The following MTAP variants were observed in gnomAD, a reference collection of about 807,000 sequenced individuals.
MTAP encodes the protein methylthioadenosine phosphorylase.
In MTAP, 33 loss-of-function variants were observed where a neutral mutation model predicts 33.6. The observed-to-expected ratio is 0.98, with a 90% CI of 0.74 to 1.31. MTAP has a LOEUF of 1.31. Among genes scored for constraint, MTAP ranks in the 40% most tolerant of loss-of-function variants. The pLI is 0.00. For missense variants in MTAP, 367 were observed against 360.0 expected, an observed-to-expected ratio of 1.02 and a Z score of -0.16; for synonymous variants, 148 against 125.7, an observed-to-expected ratio of 1.18 and a Z score of -1.19.
intron 1 of MTAP, among the ~76,000 whole-genome samples, chr9:21,809,558 G>A (rs1376148474): frequency 6.6e-6 from 1 of 151,638 alleles, no homozygotes; most frequent in East Asian, 1.9e-4. Context: ...AGAATGGTGT[G>A]AAACTGGGAG....
At chr9:21,817,504 G>T (rs1049540733) in intron 3 of MTAP, among the ~76,000 whole-genome samples, 41 of 151,984 alleles carry the variant, frequency 2.7e-4, no homozygotes, top group African/African-American at 8.9e-4. Context: ...GAAGTTACAG[G>T]GCGGAGGCCT....
intron 1 of MTAP, among the ~76,000 whole-genome samples, chr9:21,877,393 T>G (rs527845640): frequency 6.6e-6 from 1 of 152,246 alleles, no homozygotes; most frequent in Admixed American, 6.5e-5. Flanking sequence ...TCCAATGCAA[T>G]GTTGAATAGG....
intron 5 of MTAP, among the ~76,000 whole-genome samples, chr9:21,843,162 C>G (rs543349684): frequency 8.6e-5 from 13 of 152,046 alleles, no homozygotes; most frequent in Non-Finnish European, 1.9e-4. Context: ...ACAGTTAAAG[C>G]AAAGAGGGAC....
intron 1 of MTAP, among the ~76,000 whole-genome samples, chr9:21,904,329 G>C (rs1278989980): frequency 2.0e-5 from 3 of 152,180 alleles, no homozygotes; most frequent in Admixed American, 2.0e-4. Context: ...CAACATTTGC[G>C]CAGGAAAACA....
intron 1 of MTAP, among the ~76,000 whole-genome samples, chr9:21,924,759 C>T (rs1818841035): frequency 6.6e-6 from 1 of 152,236 alleles, no homozygotes; most frequent in African/African-American, 2.4e-5. Flanking sequence ...CCTCTGGACA[C>T]CACCCCCTCA....
chr9:21,841,849 G>A (rs977484018), intron 5 of MTAP, among the ~76,000 whole-genome samples: 2 of 152,094 alleles, frequency 1.3e-5, no homozygotes, highest in Non-Finnish European at 2.9e-5. Context: ...AAGCAATTCT[G>A]GTAATATGAC....
At chr9:21,810,308 A>G (rs551742271) in intron 1 of MTAP, among the ~76,000 whole-genome samples, 3 of 152,296 alleles carry the variant, frequency 2.0e-5, no homozygotes, top group Admixed American at 6.5e-5. Context: ...TAAGGACAAC[A>G]GTTTTCTTAG....
Position 21,854,772 on chromosome 9 carries a change from A to G in MTAP, c.592A>G (p.Thr198Ala). The G allele has an allele frequency of 6.2e-7, 1 of 1,614,176 alleles. No individual in the cohort carries two copies. Among genetic ancestry groups the G allele is most frequent in the Non-Finnish European group, 8.5e-7 (1 of 1,180,002 alleles). The change falls in exon 6 of 8, where the codon ACA (threonine) becomes GCA (alanine). Residue 198 changes from threonine to alanine, a missense_variant. By Grantham distance (58) the Thr-to-Ala change is moderately conservative (BLOSUM62 0). Coordinates refer to ENST00000644715, the MANE Select transcript of MTAP (RefSeq NM_002451.4). The stretch of plus-strand genomic sequence containing the variant: ...GGGGGCGGATGTTATCAACATGACC[A>G]CAGTTCCAGAGGTGGTTCTTGCTAA... ...TWGADVINMT[T>A]VPEVVLAKEA... is the part of the protein sequence containing the mutation.
chr9:21,824,690 C>A (rs987129082), intron 4 of MTAP, among the ~76,000 whole-genome samples: 1 of 152,178 alleles, frequency 6.6e-6, no homozygotes, highest in Non-Finnish European at 1.5e-5. Flanking sequence ...CTATGCCCTG[C>A]CCCCAGAGTT....
In MTAP at chr9:21,865,325, G is replaced by A. The variant is rs1174925972; in HGVS notation, c.*3311G>A. 3 of 619,084 alleles carry A rather than the reference G, an allele frequency of 4.8e-6. No homozygotes were observed. Among genetic ancestry groups the A allele is most frequent in the South Asian group, 7.1e-5 (1 of 14,094 alleles). The allele number at this position is 619,084 out of a possible 1,614,324, so 38.3% of individuals were successfully genotyped here. On this transcript the variant is annotated 3_prime_UTR_variant, in exon 8 of 8. Transcript: ENST00000644715. ...GTTTGTTTCCCCTTCTGCCACGATTGTAAGTTTCCTGAGGCCTTCCCAGCT... is the reference window on the plus strand; with the variant it reads ...GTTTGTTTCCCCTTCTGCCACGATTATAAGTTTCCTGAGGCCTTCCCAGCT...
chr9:21,826,333 TA>T, intron 4 of MTAP, among the ~76,000 whole-genome samples: 1 of 152,036 alleles, frequency 6.6e-6, no homozygotes, highest in Non-Finnish European at 1.5e-5. Flanking sequence ...ATAAGCTTAA[TA>T]AGCCTTCTAG....
chr9:21,885,707 G>C (rs1167756757), intron 1 of MTAP, among the ~76,000 whole-genome samples: 1 of 151,568 alleles, frequency 6.6e-6, no homozygotes, highest in Non-Finnish European at 1.5e-5. Context: ...TTATAATAAT[G>C]GTCCCCAAAT....
intron 1 of MTAP, among the ~76,000 whole-genome samples, chr9:21,804,401 C>T (rs1824151437): frequency 6.6e-6 from 1 of 152,202 alleles, no homozygotes; most frequent in Non-Finnish European, 1.5e-5. Context: ...GGTTTCCCTT[C>T]AAATTAATGC....
At chr9:21,913,949 C>T (rs1408313054) in intron 1 of MTAP, among the ~76,000 whole-genome samples, 3 of 152,166 alleles carry the variant, frequency 2.0e-5, no homozygotes, top group African/African-American at 7.2e-5. Context: ...AATCGAACAA[C>T]CCCATCAAAA....
In MTAP at chr9:21,863,054, G is replaced by A. The variant is rs1825784946; in HGVS notation, c.*1040G>A. On this transcript the variant is annotated 3_prime_UTR_variant, in exon 8 of 8. Transcript: ENST00000644715. Reference sequence around the variant, plus strand: ...ACATCTTTATTCTGCTAAAGAAGAGGATCATTGATTTCTGTACAGTCAGAA... The same window carrying A: ...ACATCTTTATTCTGCTAAAGAAGAGAATCATTGATTTCTGTACAGTCAGAA... The A allele has an allele frequency of 3.0e-6, 3 of 985,394 alleles. No individual in the cohort carries two copies. Among genetic ancestry groups the A allele is most frequent in the Non-Finnish European group, 3.6e-6 (3 of 829,900 alleles). The allele number at this position is 985,394 out of a possible 1,614,324, so 61.0% of individuals were successfully genotyped here. A position where few individuals can be genotyped will look rare whatever the true frequency, so the allele number is the denominator to read the frequency against.
chr9:21,866,824 C>G lies in MTAP; in HGVS notation c.*4810C>G, dbSNP rs893812452. ...TTGGGAAGAATTGACAATATTGAACCTTTCAATCGATGGACATGGTATGTT... is the reference window on the plus strand; with the variant it reads ...TTGGGAAGAATTGACAATATTGAACGTTTCAATCGATGGACATGGTATGTT... On this transcript the variant is annotated 3_prime_UTR_variant, in exon 8 of 8. Transcript: ENST00000644715. 4 of 152,042 alleles carry G rather than the reference C, an allele frequency of 2.6e-5. No individual in the cohort carries two copies. Among genetic ancestry groups the G allele is most frequent in the Non-Finnish European group, 5.9e-5 (4 of 67,994 alleles). The allele number at this position is 152,042 out of a possible 1,614,324, so 9.4% of individuals were successfully genotyped here. A position where few individuals can be genotyped will look rare whatever the true frequency, so the allele number is the denominator to read the frequency against.
Position 21,867,031 on chromosome 9 carries a change from T to G in MTAP, c.*5017T>G, listed in dbSNP as rs189600424. ...GGTATACAGAAATATGTTTTATTTT[T>G]GTATATTGACTTTATATTCTGTAAT... is the stretch of plus-strand genomic sequence containing the variant. On this transcript the variant is annotated 3_prime_UTR_variant, in exon 8 of 8. Coordinates refer to ENST00000644715, the MANE Select transcript of MTAP (RefSeq NM_002451.4). 2.0e-5 allele frequency: 3 copies of G among 152,322 alleles called. No individual in the cohort carries two copies. The highest frequency in any genetic ancestry group is 7.2e-5 in the African/African-American group (3 of 41,594). The allele number at this position is 152,322 out of a possible 1,614,324, so 9.4% of individuals were successfully genotyped here. A position where few individuals can be genotyped will look rare whatever the true frequency, so the allele number is the denominator to read the frequency against.
At chr9:21,824,064 A>C (rs1253928614) in intron 4 of MTAP, among the ~76,000 whole-genome samples, 1 of 152,162 alleles carries the variant, frequency 6.6e-6, no homozygotes, top group African/African-American at 2.4e-5. Flanking sequence ...TTCCTTCTTT[A>C]GCTCAGAGAA....
intron 1 of MTAP, among the ~76,000 whole-genome samples, chr9:21,897,511 C>T (rs922314777): frequency 3.9e-5 from 6 of 152,194 alleles, no homozygotes; most frequent in Non-Finnish European, 8.8e-5. Flanking sequence ...TCTCCTTAAG[C>T]TGATAAGTAA....
Sources: gnomAD v4.1 joint callset for allele counts (sites outside exome capture counted in the v4.1 genomes callset) on GRCh38, gnomAD v4.1.1 for gene constraint, MANE v1.5 for transcripts, NCBI Gene and HGNC (gene_info 2026-07-23, HGNC 2026-07-21) for gene names.